PLA2G5: variants seen among roughly 807,000 people sequenced by gnomAD.
PLA2G5 encodes Ca2+-dependent phospholipase A2.
A neutral mutation model predicts 15.9 loss-of-function variants in PLA2G5; 12 were observed. That is an observed-to-expected ratio of 0.76 (90% confidence interval 0.48 to 1.23). The LOEUF (loss-of-function observed/expected upper bound fraction) is 1.23, where lower values mean the gene tolerates loss of function less well. Ranked by LOEUF, PLA2G5 falls within the 50% of genes most tolerant of loss-of-function variation. PLA2G5 has a pLI of 0.00. For synonymous variants in PLA2G5, 71 were observed against 71.4 expected (o/e 0.99, Z 0.03); for missense variants, 169 against 177.1 (o/e 0.95, Z 0.26).
chr1:20,063,836 A>G (rs972673172), intron 2 of PLA2G5, among the ~76,000 whole-genome samples: 5 of 152,190 alleles, frequency 3.3e-5, no homozygotes, highest in African/African-American at 1.2e-4. Flanking sequence ...TGCCCTAGCT[A>G]TCAGGGAACA....
At chr1:20,037,292 C>T (rs1207354890) in intron 1 of PLA2G5, among the ~76,000 whole-genome samples, 1 of 152,170 alleles carries the variant, frequency 6.6e-6, no homozygotes, top group Non-Finnish European at 1.5e-5. Context: ...GATGGGGCTT[C>T]CTGACAGCGG....
At chr1:20,069,921 C>T (rs182931510), upstream of PLA2G5, among the ~76,000 whole-genome samples, 8 of 152,022 alleles carry the variant, frequency 5.3e-5, no homozygotes, top group Non-Finnish European at 7.4e-5. Context: ...TTCTTGTCCC[C>T]GCCAAGACTG....
At chr1:20,062,483 G>C (rs586458) in intron 2 of PLA2G5, among the ~76,000 whole-genome samples, 75,208 of 151,976 alleles carry the variant, frequency 0.49, 19,831 homozygotes, top group African/African-American at 0.67. Context: ...CCCCACTTCT[G>C]TCCTCTCCTG....
At chr1:20,059,162 G>A in intron 1 of PLA2G5, among the ~76,000 whole-genome samples, 1 of 151,404 alleles carries the variant, frequency 6.6e-6, no homozygotes, top group Non-Finnish European at 1.5e-5. Context: ...ACCGAGTGTG[G>A]TGGCTCATGC....
chr1:20,030,057 G>T (rs2012833728), intron 1 of PLA2G5, among the ~76,000 whole-genome samples: 1 of 152,224 alleles, frequency 6.6e-6, no homozygotes, highest in Non-Finnish European at 1.5e-5. Context: ...CACACTTGTG[G>T]CTATTTCTCG....
intron 1 of PLA2G5, among the ~76,000 whole-genome samples, chr1:20,056,469 C>T (rs986432070): frequency 1.3e-5 from 2 of 152,046 alleles, no homozygotes; most frequent in Admixed American, 1.3e-4. Flanking sequence ...TCTATTGCTA[C>T]GATTGTGTTG....
chr1:20,060,517 T>C (rs1445582859), intron 2 of PLA2G5, among the ~76,000 whole-genome samples: 1 of 152,026 alleles, frequency 6.6e-6, no homozygotes, highest in Non-Finnish European at 1.5e-5. Context: ...CCTCTCAAAG[T>C]GCTGGTATTA....
chr1:20,031,191 G>A (rs1458661340), intron 1 of PLA2G5, among the ~76,000 whole-genome samples: 2 of 152,166 alleles, frequency 1.3e-5, no homozygotes, highest in Non-Finnish European at 2.9e-5. Context: ...TGGATTGGCC[G>A]ACTAGGTGAG....
At chr1:20,078,113 C>T (rs967435800) in intron 1 of PLA2G5, among the ~76,000 whole-genome samples, 2 of 151,888 alleles carry the variant, frequency 1.3e-5, no homozygotes. Flanking sequence ...CTTGTGAAGC[C>T]CAGAGGGAGA....
At position 20,090,831 on chromosome 1, in the gene PLA2G5, G is replaced by A. The variant is rs776162996; in HGVS notation, c.*139G>A. On this transcript the variant is annotated 3_prime_UTR_variant, in exon 5 of 5. Coordinates refer to ENST00000375108, the MANE Select transcript of PLA2G5 (RefSeq NM_000929.3). Reference sequence around the variant, plus strand: ...TTCTCGAAGCTTGGCGGACCCCCAGGGCCACACTGTACCCTCCAGCGAGTC... The same window carrying A: ...TTCTCGAAGCTTGGCGGACCCCCAGAGCCACACTGTACCCTCCAGCGAGTC... The A allele has an allele frequency of 1.2e-6, 1 of 848,374 alleles. No individual in the cohort carries two copies. The highest frequency in any genetic ancestry group is 1.9e-6 in the Non-Finnish European group (1 of 521,484). The allele number at this position is 848,374 out of a possible 1,614,324, so 52.6% of individuals were successfully genotyped here. A position where few individuals can be genotyped will look rare whatever the true frequency, so the allele number is the denominator to read the frequency against.
chr1:20,090,076 T>A (rs1192642757), intron 4 of PLA2G5, among the ~76,000 whole-genome samples, 181 bp downstream of exon 4: 1 of 152,170 alleles, frequency 6.6e-6, no homozygotes, highest in Non-Finnish European at 1.5e-5. Context: ...AATCATCCAC[T>A]GGGTGCAAAA....
At chr1:20,067,060 A>G (rs2015068120), upstream of PLA2G5, among the ~76,000 whole-genome samples, 1 of 151,978 alleles carries the variant, frequency 6.6e-6, no homozygotes, top group Non-Finnish European at 1.5e-5. Context: ...CAGTAGCACA[A>G]TCATGGCTCA....
chr1:20,069,080 GA>G (rs2015204688), upstream of PLA2G5: 1 of 486,812 alleles, frequency 2.1e-6, no homozygotes, highest in Non-Finnish European at 3.9e-6. Flanking sequence ...GGAAGCAAGT[GA>G]AAACAATGAT....
chr1:20,041,049 G>A (rs1235913060), intron 1 of PLA2G5, among the ~76,000 whole-genome samples: 2 of 152,196 alleles, frequency 1.3e-5, no homozygotes, highest in East Asian at 1.9e-4. Context: ...TACCTCCTGA[G>A]GCTGTGTCAT....
intron 1 of PLA2G5, among the ~76,000 whole-genome samples, chr1:20,056,958 A>G (rs1045314155): frequency 3.3e-5 from 5 of 152,156 alleles, no homozygotes; most frequent in Admixed American, 1.3e-4. Context: ...TGGATCTTTC[A>G]AGGAATTGGT....
intron 1 of PLA2G5, among the ~76,000 whole-genome samples, chr1:20,029,719 C>A (rs1385824048): frequency 6.6e-6 from 1 of 152,070 alleles, no homozygotes; most frequent in African/African-American, 2.4e-5. Flanking sequence ...ATCAGTCCTG[C>A]GAACAGGGGA....
intron 1 of PLA2G5, among the ~76,000 whole-genome samples, chr1:20,029,346 G>GAC (rs1368910027): frequency 2.0e-5 from 3 of 152,064 alleles, no homozygotes; most frequent in Non-Finnish European, 4.4e-5. Flanking sequence ...TTCCTCCCCT[G>GAC]ATACGTTCCT....
At chr1:20,030,003 T>C (rs546069001) in intron 1 of PLA2G5, among the ~76,000 whole-genome samples, 1 of 152,328 alleles carries the variant, frequency 6.6e-6, no homozygotes, top group Non-Finnish European at 1.5e-5. Context: ...TTCCAACTTT[T>C]TGTTTTTCCA....
At chr1:20,089,973 C>G in intron 4 of PLA2G5, 78 bp downstream of exon 4, 1 of 1,005,828 alleles carries the variant, frequency 9.9e-7, no homozygotes, top group Non-Finnish European at 1.5e-6. Context: ...AACAGCCAGC[C>G]TGTATCTTGT....
Sources: gnomAD v4.1 joint callset for allele counts (sites outside exome capture counted in the v4.1 genomes callset) on GRCh38, gnomAD v4.1.1 for gene constraint, MANE v1.5 for transcripts, NCBI Gene and HGNC (gene_info 2026-07-23, HGNC 2026-07-21) for gene names.